Variants in TG observed in about 807,000 individuals in gnomAD.
TG encodes thyroid hormones.
A neutral mutation model predicts 324.7 loss-of-function variants in TG; 270 were observed. The observed-to-expected ratio is 0.83, with a 90% CI of 0.75 to 0.92. The LOEUF is 0.92. Ranked by LOEUF, TG falls within the 40% of genes least tolerant of loss-of-function variation. The pLI, the probability that TG is intolerant of heterozygous loss-of-function variation, is 0.00. For missense variants in TG, 3,591 were observed against 3,456.4 expected (o/e 1.04, Z -0.98); for synonymous variants, 1,401 against 1,327.0 (o/e 1.06, Z -1.21).
At chr8:132,893,585 G>A (rs1253159695) in intron 10 of TG, 105 bp from the exon 11 acceptor site, 4 of 1,483,336 alleles carry the variant, frequency 2.7e-6, no homozygotes, top group Non-Finnish European at 3.7e-6. Flanking sequence ...TGTGTGGTGT[G>A]TGTGTGGTGT....
intron 41 of TG, chr8:133,050,379 CTT>C: frequency 3.6e-6 from 1 of 280,890 alleles, no homozygotes; most frequent in Non-Finnish European, 6.9e-6. Context: ...GGGCTTAGAA[CTT>C]CTGTCATGTT....
intron 41 of TG, among the ~76,000 whole-genome samples, chr8:133,086,674 A>G (rs894569518): frequency 6.6e-6 from 1 of 152,248 alleles, no homozygotes; most frequent in African/African-American, 2.4e-5. Flanking sequence ...TAAAACCTGA[A>G]ACAATAATAG....
At chr8:133,061,151 C>T (rs572843169) in intron 41 of TG, among the ~76,000 whole-genome samples, 35 of 152,322 alleles carry the variant, frequency 2.3e-4, no homozygotes, top group Middle Eastern at 3.4e-3. Flanking sequence ...GCTGGGATTA[C>T]AGGCACACAT....
chr8:133,060,431 T>A, intron 41 of TG: 1 of 1,437,788 alleles, frequency 7.0e-7, no homozygotes, highest in Non-Finnish European at 9.2e-7. Flanking sequence ...TGCTAGCAAA[T>A]GCTGTTGGTG....
intron 41 of TG, among the ~76,000 whole-genome samples, chr8:133,041,782 C>T (rs1425579750): frequency 7.1e-6 from 1 of 140,164 alleles, no homozygotes; most frequent in Non-Finnish European, 1.5e-5. Flanking sequence ...AGCTTGTGGT[C>T]AGTTTTTTTT....
chr8:133,096,827 G>C (rs1848489705), intron 43 of TG, among the ~76,000 whole-genome samples: 1 of 152,212 alleles, frequency 6.6e-6, no homozygotes, highest in African/African-American at 2.4e-5. Flanking sequence ...CTAGTAAAGA[G>C]AGCACGCACA....
At chr8:132,977,982 A>T (rs1032442084) in intron 34 of TG, among the ~76,000 whole-genome samples, 15 of 152,256 alleles carry the variant, frequency 9.9e-5, no homozygotes, top group African/African-American at 3.6e-4. Context: ...CAGATGTTAA[A>T]GAAAACAAAC....
intron 35 of TG, among the ~76,000 whole-genome samples, chr8:132,984,106 C>A (rs16904800): frequency 0.37 from 56,780 of 152,150 alleles, 11,435 homozygotes; most frequent in African/African-American, 0.52. Context: ...TTCCCTTTGT[C>A]AGGAAATGAG....
chr8:132,989,277 T>G (rs10088449), intron 35 of TG, among the ~76,000 whole-genome samples: 87,938 of 152,094 alleles, frequency 0.58, 26,844 homozygotes, highest in African/African-American at 0.73. Flanking sequence ...AGATGCTACT[T>G]AATTAAATTT....
chr8:133,033,447 A>G (rs1836814065), intron 41 of TG, among the ~76,000 whole-genome samples: 1 of 152,174 alleles, frequency 6.6e-6, no homozygotes, highest in African/African-American at 2.4e-5. Context: ...CCTCTGTGGT[A>G]TGATTCACGG....
chr8:132,957,870 A>AT (rs1191623284), intron 27 of TG, among the ~76,000 whole-genome samples: 2 of 151,932 alleles, frequency 1.3e-5, no homozygotes, highest in Non-Finnish European at 2.9e-5. Flanking sequence ...GATTTGTGAG[A>AT]TTTTGGTGCA....
At position 132,887,565 on chromosome 8, in the gene TG, T is replaced by C. The variant is rs1815601143; in HGVS notation, c.2176+17T>C. On this transcript the variant is annotated intron_variant, in intron 9 of 47. Coordinates refer to ENST00000220616, the MANE Select transcript of TG (RefSeq NM_003235.5). ...CCAAGAAATGTAAGTCTGTTGGGTATTCAATCTGTAGGTTCCCTGAGTCTC... is the reference window on the plus strand; with the variant it reads ...CCAAGAAATGTAAGTCTGTTGGGTACTCAATCTGTAGGTTCCCTGAGTCTC... 1.9e-6 allele frequency: 3 copies of C among 1,614,206 alleles called. No individual in the cohort carries two copies. Among genetic ancestry groups the C allele is most frequent in the African/African-American group, 1.3e-5 (1 of 75,058 alleles).
intron 23 of TG, among the ~76,000 whole-genome samples, chr8:132,931,167 A>G (rs1822661882): frequency 6.6e-6 from 1 of 152,302 alleles, no homozygotes; most frequent in Middle Eastern, 3.4e-3. Context: ...CTGTGACTTC[A>G]CTTGGTCTTC....
At chr8:132,956,001 A>G (rs1475538397) in intron 27 of TG, among the ~76,000 whole-genome samples, 1 of 152,236 alleles carries the variant, frequency 6.6e-6, no homozygotes, top group Non-Finnish European at 1.5e-5. Context: ...TAGAAGGGAT[A>G]TTCTAACTCA....
chr8:132,924,744 C>T (rs1026916761), intron 22 of TG, among the ~76,000 whole-genome samples: 2 of 152,198 alleles, frequency 1.3e-5, no homozygotes, highest in Non-Finnish European at 2.9e-5. Flanking sequence ...CACTCACCCT[C>T]AGCAGTTTCT....
Position 132,905,162 on chromosome 8 carries a change from T to C in TG, c.3635-1526T>C, listed in dbSNP as rs574525012. On this transcript the variant is annotated intron_variant, in intron 16 of 47. Coordinates refer to ENST00000220616, the MANE Select transcript of TG (RefSeq NM_003235.5). ...TACTCCTACTAGGAGGTAGGCATTATTGCCATCTTCACCATTTTATGGGTG... is the reference window on the plus strand; with the variant it reads ...TACTCCTACTAGGAGGTAGGCATTACTGCCATCTTCACCATTTTATGGGTG... 2.6e-5 allele frequency among the ~76,000 whole-genome samples: 4 copies of C among 152,322 alleles called. No homozygotes were observed. In the South Asian group the frequency reaches 8.3e-4, roughly 32 times the overall value.
chr8:133,045,194 TG>T, intron 41 of TG: 1 of 1,525,994 alleles, frequency 6.6e-7, no homozygotes, highest in Non-Finnish European at 9.0e-7. Flanking sequence ...CCACCACCAC[TG>T]AGGCAGGGAG....
At chr8:133,056,001 C>T (rs1485085011) in intron 41 of TG, among the ~76,000 whole-genome samples, 1 of 152,080 alleles carries the variant, frequency 6.6e-6, no homozygotes, top group African/African-American at 2.4e-5. Context: ...GAAATAGAGG[C>T]ACAGTGAGGT....
Position 132,969,622 on chromosome 8 carries a change from A to G in TG, c.5975+53A>G, listed in dbSNP as rs1829184140. ...GTTTATTATGAATAATACTTCCTCA[A>G]AGAAGATGACACAATCACAGCTAAA... On this transcript the variant is annotated intron_variant, in intron 32 of 47. Transcript: ENST00000220616. 2.3e-6 allele frequency: 3 copies of G among 1,288,772 alleles called. 1 individual carries two copies. In the South Asian group the frequency reaches 3.6e-5, roughly 15 times the overall value. 79.8% of individuals were successfully genotyped at this position (1,288,772 alleles called of 1,614,324 possible).
Sources: allele counts gnomAD v4.1 joint callset (sites outside exome capture counted in the v4.1 genomes callset), GRCh38; gene constraint gnomAD v4.1.1; transcripts MANE v1.5; gene names NCBI Gene and HGNC (gene_info 2026-07-23, HGNC 2026-07-21).